ASIC1: variants seen among roughly 807,000 people sequenced by gnomAD.
The protein encoded by ASIC1 is acid-sensing ion channel 1.
Under a neutral mutation model 63.4 loss-of-function variants are expected in ASIC1, and 21 were observed. That is an observed-to-expected ratio of 0.33 (90% CI 0.23 to 0.48). The LOEUF (loss-of-function observed/expected upper bound fraction) is 0.48, where lower values mean the gene tolerates loss of function less well. Ranked by LOEUF, ASIC1 falls within the 20% of genes least tolerant of loss-of-function variation. The pLI, the probability that ASIC1 is intolerant of heterozygous loss-of-function variation, is 0.99. For missense variants in ASIC1, 478 were observed against 695.5 expected (o/e 0.69, Z 3.52); for synonymous variants, 258 against 278.2 (o/e 0.93, Z 0.72).
intron 3 of ASIC1, among the ~76,000 whole-genome samples, chr12:50,067,046 G>A (rs1418744232): frequency 6.6e-6 from 1 of 152,090 alleles, no homozygotes; most frequent in Non-Finnish European, 1.5e-5. Flanking sequence ...AAAATACATA[G>A]CTGTAACGAC....
Position 50,080,499 on chromosome 12 carries a change from G to A in ASIC1, c.1207G>A (p.Glu403Lys). The A allele has an allele frequency of 6.2e-7, 1 of 1,614,088 alleles. No homozygotes were observed. The highest frequency in any genetic ancestry group is 8.5e-7 in the Non-Finnish European group (1 of 1,179,994). ...TCTCCTCCCCCAATCCCTGTGCAGG[G>A]AGAACATCCTGGTGCTGGACATTTT... ...KFNKSEQYIG[E>K]NILVLDIFFE... The change falls in exon 9 of 12, where the codon GAG becomes AAG. Residue 403 changes from glutamate to lysine, a missense_variant and splice_region_variant. Around this residue, in one of 3 missense-constraint regions of ASIC1, gnomAD observed 84 missense variants for 183.5 expected, o/e 0.46. Transcript: ENST00000447966.
chr12:50,074,896 GTGTGTGTGT>G lies in ASIC1; in HGVS notation c.559-2316_559-2308del, dbSNP rs961925065. Among the ~76,000 whole-genome samples the G allele has an allele frequency of 6.6e-6, 1 of 150,954 alleles. No individual in the cohort carries two copies. The highest frequency in any genetic ancestry group is 2.4e-5 in the African/African-American group (1 of 41,042). On this transcript the variant is annotated intron_variant, in intron 3 of 11. Coordinates refer to ENST00000447966, the MANE Select transcript of ASIC1 (RefSeq NM_001095.4). This position sits in a 1 kb window ranked among gnomAD's most constrained non-coding sequence, Gnocchi z 4.2. ...TGTGTGTGTGTGTGTGTGTGTGTGT[GTGTGTGTGT>G]GTCTGAGGGTAAATAACAGGTCTCT... is the stretch of plus-strand genomic sequence containing the variant.
chr12:50,078,691 A>C lies in ASIC1; in HGVS notation c.994+114A>C. 1 of 1,482,066 alleles carries C rather than the reference A, an allele frequency of 6.7e-7. No individual in the cohort carries two copies. The highest frequency in any genetic ancestry group is 9.2e-7 in the Non-Finnish European group (1 of 1,081,840). 91.8% of individuals were successfully genotyped at this position (1,482,066 alleles called of 1,614,324 possible). A position where few individuals can be genotyped will look rare whatever the true frequency, so the allele number is the denominator to read the frequency against. ...CCAGTTCCAGCCCACCCCATCCCAC[A>C]CCCACCTGGCTCATGTCTCTCTGAC... On this transcript the variant is annotated intron_variant, in intron 6 of 11. Coordinates refer to ENST00000447966, the MANE Select transcript of ASIC1 (RefSeq NM_001095.4). The surrounding 1 kb of genome is among the most constrained non-coding windows in gnomAD (Gnocchi z 6.0).
chr12:50,074,224 G>T lies in ASIC1; in HGVS notation c.559-2989G>T. 6.7e-7 allele frequency: 1 copy of T among 1,495,932 alleles called. No individual in the cohort carries two copies. The allele number at this position is 1,495,932 out of a possible 1,614,324, so 92.7% of individuals were successfully genotyped here. The stretch of plus-strand genomic sequence containing the variant: ...TTGCTCCTACCAAGGGGGACCCTGC[G>T]GCCCTCACAACTTCTCAGTGGTGAG... On this transcript the variant is annotated intron_variant, in intron 3 of 11. Transcript: ENST00000447966. The surrounding 1 kb of genome is among the most constrained non-coding windows in gnomAD (Gnocchi z 4.2).
At chr12:50,058,510 C>A (rs939601969) in intron 1 of ASIC1, among the ~76,000 whole-genome samples, 1 of 152,194 alleles carries the variant, frequency 6.6e-6, no homozygotes, top group Non-Finnish European at 1.5e-5. Context: ...TCTCCCCGGG[C>A]CTGGGAAGCT....
In ASIC1 at chr12:50,058,976, C is replaced by T; in HGVS notation, c.210C>T (p.His70=). The stretch of plus-strand genomic sequence containing the variant: ...CGGAGCGTGTGCAGTACTACTTCCA[C>T]TACCACCATGTCACCAAGCTCGACG... ...VCTERVQYYF[H]YHHVTKLDEV... is the part of the protein sequence containing the mutation. The change falls in exon 2 of 12, where the codon CAC becomes CAT. Residue 70 remains histidine (H), a synonymous_variant. Transcript: ENST00000447966. The T allele has an allele frequency of 6.2e-7, 1 of 1,614,236 alleles. No homozygotes were observed. The highest frequency in any genetic ancestry group is 1.3e-5 in the African/African-American group (1 of 75,064).
chr12:50,080,662 G>A (rs763385711), intron 9 of ASIC1, 73 bp downstream of exon 9: 3 of 1,613,792 alleles, frequency 1.9e-6, no homozygotes, highest in Admixed American at 3.3e-5. Flanking sequence ...CCAAAAGCAG[G>A]GTGCTCACTT....
Position 50,078,276 on chromosome 12 carries a change from A to T in ASIC1, c.838-145A>T, listed in dbSNP as rs1950678746. The T allele has an allele frequency of 6.6e-7, 1 of 1,505,444 alleles. No individual in the cohort carries two copies. The highest frequency in any genetic ancestry group is 9.0e-7 in the Non-Finnish European group (1 of 1,115,720). The allele number at this position is 1,505,444 out of a possible 1,614,324, so 93.3% of individuals were successfully genotyped here. A position where few individuals can be genotyped will look rare whatever the true frequency, so the allele number is the denominator to read the frequency against. ...AGCATGAGTGATCGAATGAACAAGA[A>T]TGCTCTGTAAACTCTGAGACCTTTG... On this transcript the variant is annotated intron_variant, in intron 5 of 11. Coordinates refer to ENST00000447966, the MANE Select transcript of ASIC1 (RefSeq NM_001095.4). The surrounding 1 kb of genome is among the most constrained non-coding windows in gnomAD (Gnocchi z 6.0).
rs1392742315 is a variant in ASIC1 at position 50,074,858 on chromosome 12, C to CTGTGTGTGTGTG, written c.559-2354_559-2353insGTGTGTGTGTGT. On this transcript the variant is annotated intron_variant, in intron 3 of 11. Coordinates refer to ENST00000447966, the MANE Select transcript of ASIC1 (RefSeq NM_001095.4). This position sits in a 1 kb window ranked among gnomAD's most constrained non-coding sequence, Gnocchi z 4.2. ...CCTATGGACGCCCCACCCCCACCAGCTCTGTGTGTGTGTGTGTGTGTGTGT... is the reference window on the plus strand; with the variant it reads ...CCTATGGACGCCCCACCCCCACCAGCTGTGTGTGTGTGTCTGTGTGTGTGTGTGTGTGTGTGT... Among the ~76,000 whole-genome samples, 7 of 127,178 alleles carry CTGTGTGTGTGTG rather than the reference C, an allele frequency of 5.5e-5. No homozygotes were observed. Among genetic ancestry groups the CTGTGTGTGTGTG allele is most frequent in the Admixed American group, 1.7e-4 (2 of 12,050 alleles). The allele number at this position is 127,178 out of a possible 152,430, so 83.4% of individuals were successfully genotyped here.
intron 3 of ASIC1, among the ~76,000 whole-genome samples, chr12:50,063,129 G>A (rs1950515324): frequency 1.3e-5 from 2 of 152,168 alleles, no homozygotes; most frequent in Non-Finnish European, 2.9e-5. Context: ...CCAAGACAAT[G>A]GGGTCCATGG....
rs1950632713 is a variant in ASIC1 at position 50,074,395 on chromosome 12, C to T, written c.559-2818C>T. On this transcript the variant is annotated intron_variant, in intron 3 of 11. Coordinates refer to ENST00000447966, the MANE Select transcript of ASIC1 (RefSeq NM_001095.4). The surrounding 1 kb of genome is among the most constrained non-coding windows in gnomAD (Gnocchi z 4.2). ...CATCTGGCTGACACAGGCCAGAGCT[C>T]ACCCAGGAGTCCGGGGCCTGGAGCT... 6.6e-6 allele frequency among the ~76,000 whole-genome samples: 1 copy of T among 152,192 alleles called. No individual in the cohort carries two copies. Among genetic ancestry groups the T allele is most frequent in the African/African-American group, 2.4e-5 (1 of 41,432 alleles).
intron 3 of ASIC1, chr12:50,073,671 C>T: frequency 6.5e-7 from 1 of 1,536,416 alleles, no homozygotes. Flanking sequence ...GTCCCCACCA[C>T]CATCAGCAGC....
chr12:50,066,092 T>C (rs531475475), intron 3 of ASIC1, among the ~76,000 whole-genome samples: 1 of 152,246 alleles, frequency 6.6e-6, no homozygotes, highest in Non-Finnish European at 1.5e-5. Context: ...AGCTTCTGTG[T>C]AGGCAAACCT....
At chr12:50,075,319 C>G (rs1027291238) in intron 3 of ASIC1, among the ~76,000 whole-genome samples, 82 of 152,274 alleles carry the variant, frequency 5.4e-4, no homozygotes, top group African/African-American at 1.9e-3. Flanking sequence ...CCTCTGGGCC[C>G]GAGAGTAGAG....
chr12:50,060,173 G>A (rs1950488133), intron 3 of ASIC1, among the ~76,000 whole-genome samples: 1 of 152,198 alleles, frequency 6.6e-6, no homozygotes. Flanking sequence ...ATGATGGCAG[G>A]AAAGAGAGCC....
chr12:50,061,074 A>G (rs531691256), intron 3 of ASIC1, among the ~76,000 whole-genome samples: 1 of 152,200 alleles, frequency 6.6e-6, no homozygotes, highest in East Asian at 1.9e-4. Context: ...AATATTGTGG[A>G]CCCTGGGGTT....
At position 50,058,997 on chromosome 12, in the gene ASIC1, C is replaced by T. The variant is rs143760934; in HGVS notation, c.231C>T (p.Leu77=). The change falls in exon 2 of 12, where the codon CTC becomes CTT. Residue 77 remains leucine, a synonymous_variant. Coordinates refer to ENST00000447966, the MANE Select transcript of ASIC1 (RefSeq NM_001095.4). ...YYFHYHHVTK[L]DEVAASQLTF... is the part of the protein sequence containing the mutation. ...TCCACTACCACCATGTCACCAAGCT[C>T]GACGAGGTGGCTGCCTCTCAGCTTA... 63 of 1,614,198 alleles carry T rather than the reference C, an allele frequency of 3.9e-5. No homozygotes were observed. Among genetic ancestry groups the T allele is most frequent in the African/African-American group, 5.3e-5 (4 of 75,050 alleles).
At position 50,059,440 on chromosome 12, in the gene ASIC1, T is replaced by C. The variant is rs1294627087; in HGVS notation, c.362+312T>C. Among the ~76,000 whole-genome samples, 1 of 152,188 alleles carries C rather than the reference T, an allele frequency of 6.6e-6. No individual in the cohort carries two copies. The highest frequency in any genetic ancestry group is 1.9e-4 in the East Asian group (1 of 5,190). ...CACTCTGTCTTGACCTTCTCGTCAG[T>C]TGGGGGATGGGGACAGAACATCTTT... On this transcript the variant is annotated intron_variant, in intron 2 of 11. Coordinates refer to ENST00000447966, the MANE Select transcript of ASIC1 (RefSeq NM_001095.4). This position sits in a 1 kb window ranked among gnomAD's most constrained non-coding sequence, Gnocchi z 4.6.
intron 3 of ASIC1, among the ~76,000 whole-genome samples, chr12:50,062,883 G>A (rs1807391776): frequency 6.6e-6 from 1 of 152,198 alleles, no homozygotes; most frequent in African/African-American, 2.4e-5. Flanking sequence ...CCCCAGGTGT[G>A]GCTGAGTCAG....
Sources: allele counts gnomAD v4.1 joint callset (sites outside exome capture counted in the v4.1 genomes callset), GRCh38; gene constraint gnomAD v4.1.1; regional missense constraint gnomAD v4.1.1; non-coding constraint Gnocchi (gnomAD v3.1); transcripts MANE v1.5; gene names NCBI Gene and HGNC (gene_info 2026-07-23, HGNC 2026-07-21).